Variants in BBX observed in about 807,000 individuals in gnomAD.
BBX encodes the protein BBX high mobility group box domain containing.
Under a neutral mutation model 100.2 loss-of-function variants are expected in BBX, and 30 were observed. The ratio of observed to expected loss-of-function variants is 0.30; its 90% confidence interval spans 0.22 to 0.41. The LOEUF (loss-of-function observed/expected upper bound fraction) is 0.41, where lower values mean the gene tolerates loss of function less well. Among genes scored for constraint, BBX ranks in the 10% least tolerant of loss-of-function variants. BBX has a pLI of 1.00. For synonymous variants in BBX, 376 were observed against 388.1 expected (o/e 0.97, Z 0.37); for missense variants, 1,023 against 1,129.8 (o/e 0.91, Z 1.35).
chr3:107,682,931 T>G (rs574015767), intron 3 of BBX, among the ~76,000 whole-genome samples: 1 of 152,172 alleles, frequency 6.6e-6, no homozygotes, highest in Non-Finnish European at 1.5e-5. Flanking sequence ...CTCCATTAAA[T>G]CATGTTTAAA....
At chr3:107,805,272 T>C (rs940989380) in intron 17 of BBX, 98 bp from the exon 18 acceptor site, 42 of 1,321,080 alleles carry the variant, frequency 3.2e-5, no homozygotes, top group Non-Finnish European at 4.3e-5. Flanking sequence ...GCAGTAACTG[T>C]TAAACAAGAT....
chr3:107,634,251 T>A (rs1283029028), intron 2 of BBX, among the ~76,000 whole-genome samples: 6 of 152,226 alleles, frequency 3.9e-5, no homozygotes, highest in African/African-American at 1.4e-4. Context: ...CTTAGACAGA[T>A]GTCTGTTAGT....
At chr3:107,695,548 G>A (rs532187075) in intron 3 of BBX, among the ~76,000 whole-genome samples, 53 of 149,348 alleles carry the variant, frequency 3.5e-4, no homozygotes, top group Non-Finnish European at 7.2e-4. Context: ...TGATTGCACT[G>A]TGGTCTGAGA....
At chr3:107,540,166 T>C (rs1435837896) in intron 2 of BBX, among the ~76,000 whole-genome samples, 1 of 152,158 alleles carries the variant, frequency 6.6e-6, no homozygotes, top group Non-Finnish European at 1.5e-5. Context: ...GGCCATAGAT[T>C]TATAGACATG....
intron 3 of BBX, among the ~76,000 whole-genome samples, chr3:107,652,550 G>A (rs954140174): frequency 2.6e-5 from 4 of 152,130 alleles, no homozygotes; most frequent in African/African-American, 4.8e-5. Flanking sequence ...TTTTACCTGT[G>A]TATTTCTTCT....
chr3:107,607,700 CT>C (rs2054555978), intron 2 of BBX, among the ~76,000 whole-genome samples: 1 of 152,170 alleles, frequency 6.6e-6, no homozygotes, highest in African/African-American at 2.4e-5. Flanking sequence ...GTTTCCTTTT[CT>C]CCGTATCCTT....
At chr3:107,628,701 G>C (rs1450318589) in intron 2 of BBX, among the ~76,000 whole-genome samples, 1 of 152,052 alleles carries the variant, frequency 6.6e-6, no homozygotes, top group Non-Finnish European at 1.5e-5. Context: ...CAAATAGTTG[G>C]TTATCACTGA....
intron 3 of BBX, among the ~76,000 whole-genome samples, chr3:107,669,585 A>C (rs938642780): frequency 2.0e-5 from 3 of 152,170 alleles, no homozygotes; most frequent in African/African-American, 7.2e-5. Context: ...CATGATTCTA[A>C]GTAAATCTGA....
At chr3:107,752,386 A>G (rs1560095735) in intron 9 of BBX, among the ~76,000 whole-genome samples, 1 of 152,334 alleles carries the variant, frequency 6.6e-6, no homozygotes, top group Non-Finnish European at 1.5e-5. Flanking sequence ...TATTGGAAGC[A>G]CTAATATTTC....
intron 2 of BBX, among the ~76,000 whole-genome samples, chr3:107,566,002 C>A (rs2050872532): frequency 6.6e-6 from 1 of 150,968 alleles, no homozygotes; most frequent in Non-Finnish European, 1.5e-5. Flanking sequence ...GGTGAAACCC[C>A]ATCTCTACTA....
intron 3 of BBX, among the ~76,000 whole-genome samples, chr3:107,696,931 G>C (rs943397876): frequency 1.3e-5 from 2 of 151,444 alleles, no homozygotes; most frequent in Admixed American, 6.6e-5. Flanking sequence ...TTCCCTTCTT[G>C]CTTCATTTCA....
rs1270086340 is a variant in BBX, at chr3:107,593,013, A to G, written c.-83-52823A>G. ...TATATAATTTTAACTTTGTACTTCT[A>G]AAAAGCTAATTATCTGATCTTAAAG... On this transcript the variant is annotated intron_variant, in intron 2 of 17. Coordinates refer to ENST00000325805, the MANE Select transcript of BBX (RefSeq NM_001142568.3). Among the ~76,000 whole-genome samples, 4 of 152,214 alleles carry G rather than the reference A, an allele frequency of 2.6e-5. No homozygotes were observed. In the East Asian group the frequency reaches 7.7e-4, roughly 29 times the overall value.
chr3:107,755,820 C>T lies in BBX; in HGVS notation c.906+142C>T, dbSNP rs2065429172. The T allele has an allele frequency of 4.0e-6, 3 of 746,960 alleles. No individual in the cohort carries two copies. The South Asian group carries it at 6.3e-5, about 16-fold the overall frequency. 46.3% of individuals were successfully genotyped at this position (746,960 alleles called of 1,614,324 possible). ...TAATTTTCAACAATGAGAGGGTTAA[C>T]CTTTAATTTGGGAAAACTGAATTTT... On this transcript the variant is annotated intron_variant, in intron 10 of 17. Transcript: ENST00000325805.
intron 2 of BBX, among the ~76,000 whole-genome samples, chr3:107,637,092 A>G (rs559338678): frequency 8.5e-5 from 13 of 152,214 alleles, no homozygotes; most frequent in Non-Finnish European, 1.8e-4. Context: ...TTTTTTTAGA[A>G]GTTTTAAGCT....
rs918012906 is a variant in BBX, at chr3:107,673,235, G to A, written c.-10+27326G>A. Among the ~76,000 whole-genome samples, 50 of 152,054 alleles carry A rather than the reference G, an allele frequency of 3.3e-4. 1 individual carries two copies. The highest frequency in any genetic ancestry group is 4.4e-5 in the Non-Finnish European group (3 of 67,934). On this transcript the variant is annotated intron_variant, in intron 3 of 17. Coordinates refer to ENST00000325805, the MANE Select transcript of BBX (RefSeq NM_001142568.3). ...AATAAAGAAAAGAGAACAAGAGTTA[G>A]AGAAAACGTTCCTTGTAGTAGAAAT...
intron 2 of BBX, among the ~76,000 whole-genome samples, chr3:107,563,439 G>A (rs1482359311): frequency 2.0e-5 from 3 of 152,104 alleles, no homozygotes; most frequent in South Asian, 2.1e-4. Flanking sequence ...TCATTGCTGG[G>A]TTTGGCCTTT....
chr3:107,563,722 G>A (rs146990715), intron 2 of BBX, among the ~76,000 whole-genome samples: 159 of 152,142 alleles, frequency 1.0e-3, no homozygotes, highest in African/African-American at 3.2e-3. Context: ...CATGTTTATA[G>A]CCTGCCTCTC....
chr3:107,609,052 A>G (rs1359720592), intron 2 of BBX, among the ~76,000 whole-genome samples: 3 of 152,108 alleles, frequency 2.0e-5, no homozygotes, highest in Non-Finnish European at 4.4e-5. Context: ...TTTATTGCCT[A>G]AGAAACTTGT....
chr3:107,759,448 A>G (rs2107693785), intron 10 of BBX, among the ~76,000 whole-genome samples: 1 of 152,334 alleles, frequency 6.6e-6, no homozygotes, highest in South Asian at 2.1e-4. Context: ...GAAATTAATT[A>G]GGTCAGGTCA....
Sources: allele counts gnomAD v4.1 joint callset (sites outside exome capture counted in the v4.1 genomes callset), GRCh38; gene constraint gnomAD v4.1.1; transcripts MANE v1.5; gene names NCBI Gene and HGNC (gene_info 2026-07-23, HGNC 2026-07-21).